The following JARID2 variants were observed in gnomAD, a reference collection of about 807,000 sequenced individuals.
JARID2 encodes protein Jumonji.
A neutral mutation model predicts 125.6 loss-of-function variants in JARID2; 21 were observed. The observed-to-expected ratio is 0.17, with a 90% CI of 0.12 to 0.24. The LOEUF is 0.24. JARID2 is among the 10% of genes least tolerant of loss of function. The probability of loss-of-function intolerance (pLI) is 1.00; values close to 1 mark genes in which losing one functional copy is unlikely to be tolerated. For synonymous variants in JARID2, 736 were observed against 661.6 expected, an observed-to-expected ratio of 1.11 and a Z score of -1.73; for missense variants, 1,303 against 1,639.6, an observed-to-expected ratio of 0.79 and a Z score of 3.55.
intron 1 of JARID2, among the ~76,000 whole-genome samples, chr6:15,323,627 C>T (rs951581130): frequency 9.2e-5 from 14 of 152,200 alleles, no homozygotes; most frequent in Admixed American, 2.6e-4. Context: ...ACATTGCCTT[C>T]CAAAGAAAAT....
chr6:15,347,524 T>C (rs565746039), intron 1 of JARID2, among the ~76,000 whole-genome samples: 7 of 152,286 alleles, frequency 4.6e-5, no homozygotes, highest in Admixed American at 2.6e-4. Context: ...TTCCATGATA[T>C]GTGTTTAGAT....
At chr6:15,303,263 A>G (rs1049917446) in intron 1 of JARID2, among the ~76,000 whole-genome samples, 1 of 152,226 alleles carries the variant, frequency 6.6e-6, no homozygotes, top group Non-Finnish European at 1.5e-5. Flanking sequence ...TCGAACTTGA[A>G]CATTCATAGG....
intron 5 of JARID2, among the ~76,000 whole-genome samples, chr6:15,469,392 C>T (rs1487163236): frequency 1.6e-5 from 1 of 62,194 alleles, no homozygotes; most frequent in Admixed American, 1.7e-4. Context: ...CCCTCTCCCC[C>T]TTTCCCCCTC....
chr6:15,487,908 TG>T (rs1481521238), intron 6 of JARID2, among the ~76,000 whole-genome samples: 3 of 151,596 alleles, frequency 2.0e-5, no homozygotes, highest in Non-Finnish European at 2.9e-5. Context: ...GGGATAGTTC[TG>T]TTAATGGATG....
Position 15,343,572 on chromosome 6 carries a change from A to G in JARID2, c.46-30545A>G, listed in dbSNP as rs1017513290. 2.0e-5 allele frequency among the ~76,000 whole-genome samples: 3 copies of G among 152,308 alleles called. No homozygotes were observed. In the East Asian group the frequency reaches 5.8e-4, roughly 29 times the overall value. On this transcript the variant is annotated intron_variant, in intron 1 of 17. Transcript: ENST00000341776. ...AAATTAGGCTATTGTGCAGTCAAAG[A>G]GGCCTCTGCTAAGTGTGGTTCCATT...
intron 1 of JARID2, among the ~76,000 whole-genome samples, chr6:15,254,994 ACT>A (rs980557266): frequency 6.0e-5 from 9 of 150,978 alleles, no homozygotes; most frequent in Non-Finnish European, 1.2e-4. Flanking sequence ...GGTGAGTGAG[ACT>A]CTGTCTCCAA....
At chr6:15,401,045 C>G (rs766622494) in intron 2 of JARID2, 2 of 1,289,068 alleles carry the variant, frequency 1.6e-6, no homozygotes, top group African/African-American at 3.0e-5. Context: ...AAAGACAAAC[C>G]AAATAGCTCT....
intron 1 of JARID2, among the ~76,000 whole-genome samples, chr6:15,372,326 C>A (rs920940986): frequency 6.6e-6 from 1 of 151,970 alleles, no homozygotes; most frequent in South Asian, 2.1e-4. Context: ...TCCAAAATAC[C>A]CCAAATCATG....
intron 1 of JARID2, among the ~76,000 whole-genome samples, chr6:15,279,784 A>G (rs970542375): frequency 6.6e-6 from 1 of 152,222 alleles, no homozygotes; most frequent in Non-Finnish European, 1.5e-5. Context: ...GGTTCTCATT[A>G]GCCCCTATCG....
At chr6:15,498,215 C>A (rs532284172) in intron 7 of JARID2, among the ~76,000 whole-genome samples, 1 of 152,252 alleles carries the variant, frequency 6.6e-6, no homozygotes, top group East Asian at 1.9e-4. Flanking sequence ...TTGTCAAGGC[C>A]ACAGGTCAAG....
rs777718645 is a variant in JARID2, at chr6:15,464,380, C to T, written c.494-4162C>T. 4.6e-5 allele frequency among the ~76,000 whole-genome samples: 7 copies of T among 152,150 alleles called. No homozygotes were observed. In the South Asian group the frequency reaches 6.2e-4, roughly 14 times the overall value. On this transcript the variant is annotated intron_variant, in intron 4 of 17. Coordinates refer to ENST00000341776, the MANE Select transcript of JARID2 (RefSeq NM_004973.4). ...TGTACCTACTTCTGTTTGTCTATGA[C>T]GTTGATGAGATGGACAGGTATGAGG... is the stretch of plus-strand genomic sequence containing the variant.
At chr6:15,452,673 T>C (rs1767972361) in intron 4 of JARID2, among the ~76,000 whole-genome samples, 1 of 151,420 alleles carries the variant, frequency 6.6e-6, no homozygotes, top group African/African-American at 2.5e-5. Context: ...CAGAGTCTAA[T>C]TGACAGTGCA....
At chr6:15,328,365 T>G (rs1435795031) in intron 1 of JARID2, among the ~76,000 whole-genome samples, 1 of 152,234 alleles carries the variant, frequency 6.6e-6, no homozygotes, top group African/African-American at 2.4e-5. Flanking sequence ...CATGTATTAC[T>G]TGCAATTCCT....
intron 1 of JARID2, among the ~76,000 whole-genome samples, chr6:15,361,762 A>G (rs1763801343): frequency 6.6e-6 from 1 of 152,166 alleles, no homozygotes; most frequent in African/African-American, 2.4e-5. Flanking sequence ...AAAGGAAGAA[A>G]TGTTGGAACT....
At chr6:15,390,186 T>C (rs1328304283) in intron 2 of JARID2, among the ~76,000 whole-genome samples, 2 of 152,190 alleles carry the variant, frequency 1.3e-5, no homozygotes, top group Admixed American at 6.5e-5. Context: ...ATCTGTCCAC[T>C]TGCATTTCAG....
Position 15,496,619 on chromosome 6 carries a change from G to A in JARID2, c.1394G>A (p.Gly465Asp). Residue 465 changes from glycine to aspartate, a missense_variant, in exon 7 of 18, where the codon GGC (glycine) becomes GAC (aspartate). Physicochemically the swap from Gly to Asp is moderately conservative, Grantham distance 94. Around this residue, in one of 11 missense-constraint regions of JARID2, gnomAD observed 651 missense variants for 581.6 expected, o/e 1.12. Coordinates refer to ENST00000341776, the MANE Select transcript of JARID2 (RefSeq NM_004973.4). The stretch of plus-strand genomic sequence containing the variant: ...CCCAAGAAGATGAAAGGGGCGGCTG[G>A]CCCCGCCGAAGGCCCTGGCAAGAAG... ...SPPKKMKGAA[G>D]PAEGPGKKAP... 2.5e-6 allele frequency: 4 copies of A among 1,607,238 alleles called. No individual in the cohort carries two copies. Among genetic ancestry groups the A allele is most frequent in the Non-Finnish European group, 3.4e-6 (4 of 1,177,980 alleles).
At chr6:15,377,696 C>CT (rs113284171) in intron 2 of JARID2, among the ~76,000 whole-genome samples, 1,693 of 146,060 alleles carry the variant, frequency 0.012, 24 homozygotes, top group East Asian at 0.016. Flanking sequence ...CATGGTGGCA[C>CT]TTTTTTTTTT....
intron 1 of JARID2, among the ~76,000 whole-genome samples, chr6:15,274,022 G>A (rs994449304): frequency 4.0e-5 from 6 of 151,658 alleles, no homozygotes; most frequent in African/African-American, 7.3e-5. Flanking sequence ...TCTGCCTCCC[G>A]GGTTCAAGTG....
intron 1 of JARID2, among the ~76,000 whole-genome samples, chr6:15,261,058 T>G (rs1759853025): frequency 6.6e-6 from 1 of 152,148 alleles, no homozygotes; most frequent in Non-Finnish European, 1.5e-5. Context: ...TAAAGAACAG[T>G]CAGTTTACCA....
Sources: allele counts gnomAD v4.1 joint callset (sites outside exome capture counted in the v4.1 genomes callset), GRCh38; gene constraint gnomAD v4.1.1; regional missense constraint gnomAD v4.1.1; transcripts MANE v1.5; gene names NCBI Gene and HGNC (gene_info 2026-07-23, HGNC 2026-07-21).